The following SLC22A16 variants were observed in gnomAD, a reference collection of about 807,000 sequenced individuals.
SLC22A16 encodes solute carrier family 22 member 16, also known as WUGSC:RG331P03.1.
A neutral mutation model predicts 52.9 loss-of-function variants in SLC22A16; 53 were observed. The observed-to-expected ratio is 1.00, with a 90% CI of 0.80 to 1.26. The LOEUF (loss-of-function observed/expected upper bound fraction) is 1.26. SLC22A16 is among the 50% of genes most tolerant of loss of function. The probability of loss-of-function intolerance (pLI) is 0.00; values close to 1 mark genes in which losing one functional copy is unlikely to be tolerated. For synonymous variants in SLC22A16, 291 were observed against 268.8 expected (o/e 1.08, Z -0.81); for missense variants, 726 against 704.0 (o/e 1.03, Z -0.35).
intron 2 of SLC22A16, chr6:110,455,957 G>C (rs1236939815): frequency 6.6e-6 from 1 of 152,392 alleles, no homozygotes; most frequent in African/African-American, 2.4e-5. Context: ...ACCTTATCTT[G>C]GGCTTCCCAG....
chr6:110,470,683 C>T (rs1442279152), intron 1 of SLC22A16, among the ~76,000 whole-genome samples: 2 of 152,086 alleles, frequency 1.3e-5, no homozygotes, highest in Non-Finnish European at 2.9e-5. Flanking sequence ...GTCTTTTTCT[C>T]TTGTGCACAC....
rs201001583 is a variant in SLC22A16 at position 110,447,050 on chromosome 6, C to G, written c.534-60G>C. The stretch of plus-strand genomic sequence containing the variant: ...GGTAGAGTTGTAACAGTTTAAACAT[C>G]CACTCCAATTCATAAAAGATAGGCA... On this transcript the variant is annotated intron_variant, in intron 2 of 7. Transcript: ENST00000368919. 6.0e-6 allele frequency: 8 copies of G among 1,327,774 alleles called. No individual in the cohort carries two copies. In the African/African-American group the frequency reaches 8.8e-5, roughly 15 times the overall value. 82.2% of individuals were successfully genotyped at this position (1,327,774 alleles called of 1,614,324 possible).
intron 2 of SLC22A16, among the ~76,000 whole-genome samples, chr6:110,451,604 A>T (rs372561014): frequency 6.6e-6 from 1 of 152,078 alleles, no homozygotes; most frequent in Non-Finnish European, 1.5e-5. Context: ...CCATTTTTCT[A>T]TTGGATTGTC....
intron 5 of SLC22A16, among the ~76,000 whole-genome samples, chr6:110,437,580 T>C (rs1159290589): frequency 6.6e-6 from 1 of 152,226 alleles, no homozygotes; most frequent in Non-Finnish European, 1.5e-5. Flanking sequence ...CTTGTTAGCT[T>C]AAATTAAATT....
chr6:110,466,050 T>G (rs1776049036), intron 1 of SLC22A16, among the ~76,000 whole-genome samples: 1 of 152,148 alleles, frequency 6.6e-6, no homozygotes. Context: ...GACTCTCTAT[T>G]CAATAAATGG....
At chr6:110,475,833 A>G (rs1776446734) in intron 1 of SLC22A16, 2 of 428,046 alleles carry the variant, frequency 4.7e-6, no homozygotes, top group Admixed American at 2.9e-5. Flanking sequence ...AATTTGACAA[A>G]TGAAAAGAGG....
At chr6:110,442,839 C>A in intron 3 of SLC22A16, 64 bp from the exon 4 acceptor site, 1 of 1,465,818 alleles carries the variant, frequency 6.8e-7, no homozygotes, top group Non-Finnish European at 9.2e-7. Context: ...GGAGTCTGAC[C>A]CCATTGCAAA....
intron 4 of SLC22A16, among the ~76,000 whole-genome samples, chr6:110,440,692 G>A (rs149647296): frequency 4.3e-4 from 66 of 152,202 alleles, no homozygotes; most frequent in Middle Eastern, 3.4e-3. Context: ...CAGGAGAATC[G>A]CTTGAACCCA....
At chr6:110,472,272 C>T (rs1236662724) in intron 1 of SLC22A16, among the ~76,000 whole-genome samples, 1 of 152,218 alleles carries the variant, frequency 6.6e-6, no homozygotes, top group East Asian at 1.9e-4. Context: ...ACTCCACCTG[C>T]TAAAACTGTC....
intron 6 of SLC22A16, among the ~76,000 whole-genome samples, chr6:110,431,707 C>T (rs1030699908): frequency 2.0e-5 from 3 of 151,888 alleles, no homozygotes; most frequent in Admixed American, 2.0e-4. Context: ...AACACATGAC[C>T]GTAAAAAAAC....
At chr6:110,453,365 T>C (rs929594986) in intron 2 of SLC22A16, among the ~76,000 whole-genome samples, 1 of 152,308 alleles carries the variant, frequency 6.6e-6, no homozygotes, top group Non-Finnish European at 1.5e-5. Context: ...CTTATTCACC[T>C]TGAAAAATAA....
intron 1 of SLC22A16, among the ~76,000 whole-genome samples, chr6:110,467,154 C>CT (rs773281726): frequency 1.3e-5 from 2 of 152,162 alleles, no homozygotes; most frequent in South Asian, 4.1e-4. Flanking sequence ...ACCTGCTGGT[C>CT]TAGCCTGTTC....
At chr6:110,473,179 C>T (rs747946908) in intron 1 of SLC22A16, among the ~76,000 whole-genome samples, 3 of 152,108 alleles carry the variant, frequency 2.0e-5, no homozygotes, top group African/African-American at 7.2e-5. Flanking sequence ...TGTTCACACA[C>T]TGAAGTCAAA....
At chr6:110,436,213 C>T (rs221716) in intron 5 of SLC22A16, among the ~76,000 whole-genome samples, 54,454 of 151,862 alleles carry the variant, frequency 0.36, 10,784 homozygotes, top group African/African-American at 0.54. Flanking sequence ...TGAACTGTGA[C>T]GAAAGCCAGT....
chr6:110,476,514 C>G lies in SLC22A16; in HGVS notation c.53+8G>C. 1 of 1,449,188 alleles carries G rather than the reference C, an allele frequency of 6.9e-7. No individual in the cohort carries two copies. 89.8% of individuals were successfully genotyped at this position (1,449,188 alleles called of 1,614,324 possible). ...CCCGCGTGGCGCCGCGGGGCCCCTCCCCCATACCTGCCGAAGTGCCCCACG... is the reference window on the plus strand; with the variant it reads ...CCCGCGTGGCGCCGCGGGGCCCCTCGCCCATACCTGCCGAAGTGCCCCACG... On this transcript the variant is annotated splice_region_variant and intron_variant, in intron 1 of 7. Transcript: ENST00000368919.
chr6:110,447,915 A>G (rs528388843), intron 2 of SLC22A16, among the ~76,000 whole-genome samples: 8 of 152,224 alleles, frequency 5.3e-5, no homozygotes, highest in Admixed American at 4.6e-4. Context: ...TTGATGGCTC[A>G]TTTTCCTCTT....
chr6:110,436,757 T>C (rs1774747750), intron 5 of SLC22A16, among the ~76,000 whole-genome samples: 1 of 152,256 alleles, frequency 6.6e-6, no homozygotes, highest in African/African-American at 2.4e-5. Flanking sequence ...GACTGTTTTG[T>C]TCATTTGTTT....
intron 1 of SLC22A16, among the ~76,000 whole-genome samples, chr6:110,467,945 C>T (rs1305941986): frequency 6.6e-6 from 1 of 152,222 alleles, no homozygotes; most frequent in Non-Finnish European, 1.5e-5. Flanking sequence ...CTCTCCAAGT[C>T]CTCACAGATA....
chr6:110,459,337 C>T lies in SLC22A16; in HGVS notation c.54-2320G>A, dbSNP rs183973168. Among the ~76,000 whole-genome samples, 506 of 152,248 alleles carry T rather than the reference C, an allele frequency of 3.3e-3. 1 individual carries two copies. Among genetic ancestry groups the T allele is most frequent in the African/African-American group, 0.011 (474 of 41,532 alleles). On this transcript the variant is annotated intron_variant, in intron 1 of 7. Coordinates refer to ENST00000368919, the MANE Select transcript of SLC22A16 (RefSeq NM_033125.4). ...CACCAAGTGATGAAGGTTAACATCC[C>T]CAGTGACGTCATGTGGATATGCTGT...
Sources: gnomAD v4.1 joint callset for allele counts (sites outside exome capture counted in the v4.1 genomes callset) on GRCh38, gnomAD v4.1.1 for gene constraint, MANE v1.5 for transcripts, NCBI Gene and HGNC (gene_info 2026-07-23, HGNC 2026-07-21) for gene names.